The following ADGRL2 variants were observed in gnomAD, a reference collection of about 807,000 sequenced individuals.
The protein encoded by ADGRL2 is adhesion G protein-coupled receptor L2.
In ADGRL2, 44 loss-of-function variants were observed where a neutral mutation model predicts 157.4. The observed-to-expected ratio is 0.28, with a 90% CI of 0.22 to 0.36. The LOEUF is 0.36. ADGRL2 is among the 10% of genes least tolerant of loss of function. The pLI is 1.00. For missense variants in ADGRL2, 1,510 were observed against 1,768.9 expected (o/e 0.85, Z 2.63); for synonymous variants, 585 against 624.7 (o/e 0.94, Z 0.95).
intron 2 of ADGRL2, among the ~76,000 whole-genome samples, chr1:81,546,184 G>A (rs4650565): frequency 0.081 from 12,335 of 152,188 alleles, 784 homozygotes; most frequent in East Asian, 0.22. Flanking sequence ...AATTCTAGTT[G>A]AATTTCAATT....
At chr1:81,893,319 T>TTTGGTTTTTTTTTTGTTTTTG (rs753014450) in intron 2 of ADGRL2, among the ~76,000 whole-genome samples, 1 of 150,250 alleles carries the variant, frequency 6.7e-6, no homozygotes, top group Middle Eastern at 3.2e-3. Context: ...CAATCCTGTC[T>TTTGGTTTTTTTTTTGTTTTTG]TGTATTTTTC....
intron 2 of ADGRL2, among the ~76,000 whole-genome samples, chr1:81,479,976 A>T (rs2078351997): frequency 6.6e-6 from 1 of 152,222 alleles, no homozygotes; most frequent in Non-Finnish European, 1.5e-5. Flanking sequence ...TATAGTTTTC[A>T]TGAAAATTCT....
chr1:81,455,158 G>C (rs2077778034), intron 2 of ADGRL2, among the ~76,000 whole-genome samples: 3 of 152,136 alleles, frequency 2.0e-5, no homozygotes, highest in Admixed American at 2.0e-4. Flanking sequence ...TTGAAACTTT[G>C]ACTCGTTTTA....
Position 81,749,288 on chromosome 1 carries a change from C to A in ADGRL2, c.-142-12523C>A, listed in dbSNP as rs181880567. Among the ~76,000 whole-genome samples the A allele has an allele frequency of 1.1e-4, 17 of 152,058 alleles. No homozygotes were observed. The East Asian group carries it at 3.3e-3, about 29-fold the overall frequency. ...AAACATATGAAAGAAAAAAAGCAAA[C>A]AAATATGAGAAGAATATATTTCTCA... is the stretch of plus-strand genomic sequence containing the variant. On this transcript the variant is annotated intron_variant, in intron 1 of 20. Transcript: ENST00000359929.
intron 2 of ADGRL2, among the ~76,000 whole-genome samples, chr1:81,517,464 CAAAA>C (rs397956551): frequency 6.6e-5 from 3 of 45,276 alleles, no homozygotes; most frequent in Middle Eastern, 0.019. Flanking sequence ...GACTCCCTCT[CAAAA>C]AAAAAAAAAA....
chr1:81,768,444 C>A (rs1243603265), intron 2 of ADGRL2, among the ~76,000 whole-genome samples: 1 of 150,950 alleles, frequency 6.6e-6, no homozygotes, highest in African/African-American at 2.4e-5. Flanking sequence ...TCTCATTTTG[C>A]TGACAATCAG....
intron 3 of ADGRL2, among the ~76,000 whole-genome samples, chr1:81,925,590 CAT>C (rs1160549026): frequency 2.0e-5 from 3 of 149,338 alleles, no homozygotes; most frequent in Non-Finnish European, 3.0e-5. Context: ...ACTTACAGAA[CAT>C]AGAGTCATTT....
chr1:81,608,102 C>T (rs909619430), intron 3 of ADGRL2, among the ~76,000 whole-genome samples: 6 of 152,162 alleles, frequency 3.9e-5, no homozygotes, highest in Admixed American at 2.6e-4. Flanking sequence ...TGGCAACTCT[C>T]GTGGGTTCCT....
intron 1 of ADGRL2, among the ~76,000 whole-genome samples, chr1:81,340,615 A>C (rs1023036734): frequency 2.0e-5 from 3 of 152,182 alleles, no homozygotes; most frequent in African/African-American, 7.2e-5. Flanking sequence ...AAAAGTAAGA[A>C]AGAAGAGGCA....
intron 2 of ADGRL2, among the ~76,000 whole-genome samples, chr1:81,474,914 T>G (rs1028377440): frequency 6.6e-6 from 1 of 152,164 alleles, no homozygotes; most frequent in Non-Finnish European, 1.5e-5. Flanking sequence ...GTGAGAAAGA[T>G]CATAACTCTG....
At chr1:81,380,145 A>C (rs1398445525) in intron 1 of ADGRL2, among the ~76,000 whole-genome samples, 5 of 152,032 alleles carry the variant, frequency 3.3e-5, no homozygotes, top group Non-Finnish European at 5.9e-5. Flanking sequence ...ACAAACTCTA[A>C]CTTTTTTTCT....
At chr1:81,824,441 T>A (rs35082594) in intron 1 of ADGRL2, among the ~76,000 whole-genome samples, 21,340 of 151,706 alleles carry the variant, frequency 0.14, 1,659 homozygotes, top group East Asian at 0.2. Context: ...TGCCCAGCTA[T>A]TTTTTTTAAT....
At chr1:81,906,724 C>A (rs1416015505) in intron 2 of ADGRL2, among the ~76,000 whole-genome samples, 1 of 151,956 alleles carries the variant, frequency 6.6e-6, no homozygotes, top group Admixed American at 6.6e-5. Context: ...TTTATAAAAT[C>A]CATGATTAAA....
At chr1:81,869,896 G>T in intron 2 of ADGRL2, among the ~76,000 whole-genome samples, 1 of 152,046 alleles carries the variant, frequency 6.6e-6, no homozygotes, top group Middle Eastern at 3.4e-3. Flanking sequence ...CTCTTTATGA[G>T]AATTTGTTAG....
At chr1:81,754,199 C>G (rs765445495) in intron 1 of ADGRL2, among the ~76,000 whole-genome samples, 6 of 132,754 alleles carry the variant, frequency 4.5e-5, no homozygotes, top group Non-Finnish European at 6.5e-5. Context: ...TAGATTCCCT[C>G]CCTCCCTCCC....
At chr1:81,606,766 G>A (rs1408975970) in intron 3 of ADGRL2, among the ~76,000 whole-genome samples, 1 of 151,406 alleles carries the variant, frequency 6.6e-6, no homozygotes, top group African/African-American at 2.4e-5. Flanking sequence ...GTGTGTGTGT[G>A]TGTGTGTGCG....
At chr1:81,982,104 G>A (rs1275862326) in intron 19 of ADGRL2, 128 bp downstream of exon 19, 1 of 774,256 alleles carries the variant, frequency 1.3e-6, no homozygotes, top group African/African-American at 1.9e-5. Flanking sequence ...TTAATTATAA[G>A]TTAATTTTCA....
intron 1 of ADGRL2, among the ~76,000 whole-genome samples, chr1:81,335,313 G>A (rs1276579376): frequency 6.6e-6 from 1 of 152,108 alleles, no homozygotes; most frequent in African/African-American, 2.4e-5. Flanking sequence ...AGATGAAATT[G>A]GAAAGCTCAG....
At chr1:81,895,704 C>G (rs1474563410) in intron 2 of ADGRL2, among the ~76,000 whole-genome samples, 1 of 151,926 alleles carries the variant, frequency 6.6e-6, no homozygotes, top group Non-Finnish European at 1.5e-5. Context: ...CTGAAAGTAC[C>G]TTTTTAAAAA....
Sources: allele counts gnomAD v4.1 joint callset (sites outside exome capture counted in the v4.1 genomes callset), GRCh38; gene constraint gnomAD v4.1.1; transcripts MANE v1.5; gene names NCBI Gene and HGNC (gene_info 2026-07-23, HGNC 2026-07-21).